The following SPATA6 variants were observed in gnomAD, a reference collection of about 807,000 sequenced individuals.
SPATA6 encodes the protein spermatogenesis associated 6, also known as spermatogenesis-associated protein 6.
In SPATA6, 56 loss-of-function variants were observed where a neutral mutation model predicts 65.3. The ratio of observed to expected loss-of-function variants is 0.86; its 90% confidence interval spans 0.69 to 1.07. The LOEUF is 1.07. Ranked by LOEUF, SPATA6 falls within the 50% of genes least tolerant of loss-of-function variation. SPATA6 has a pLI of 0.00. For synonymous variants in SPATA6, 199 were observed against 213.2 expected (o/e 0.93, Z 0.58); for missense variants, 590 against 594.8 (o/e 0.99, Z 0.08).
chr1:48,280,076 A>G, the SPATA6 span, among the ~76,000 whole-genome samples: 2 of 152,240 alleles, frequency 1.3e-5, no homozygotes, highest in Non-Finnish European at 2.9e-5. Flanking sequence ...CTGCTCCTGA[A>G]TGACTACTGG....
At chr1:48,378,699 A>C (rs1648207787) in intron 9 of SPATA6, among the ~76,000 whole-genome samples, 1 of 152,208 alleles carries the variant, frequency 6.6e-6, no homozygotes, top group Admixed American at 6.5e-5. Context: ...CTTACAGTTC[A>C]ATCATCTCCC....
At chr1:48,380,628 A>G (rs901002121) in intron 9 of SPATA6, among the ~76,000 whole-genome samples, 10 of 152,240 alleles carry the variant, frequency 6.6e-5, no homozygotes, top group Non-Finnish European at 1.3e-4. Flanking sequence ...CATAATATGC[A>G]TATGTTAGGA....
chr1:48,348,440 G>A (rs1476312286), intron 11 of SPATA6, among the ~76,000 whole-genome samples: 1 of 151,668 alleles, frequency 6.6e-6, no homozygotes. Context: ...CAATACTGAT[G>A]ACCAGAGGCT....
At chr1:48,328,866 A>G (rs1434321031) in intron 11 of SPATA6, among the ~76,000 whole-genome samples, 2 of 152,190 alleles carry the variant, frequency 1.3e-5, no homozygotes, top group African/African-American at 2.4e-5. Context: ...CAGATAAAAG[A>G]GGGTAAATAA....
At chr1:48,463,487 T>A (rs1657595668) in intron 1 of SPATA6, among the ~76,000 whole-genome samples, 2 of 152,230 alleles carry the variant, frequency 1.3e-5, no homozygotes, top group South Asian at 4.1e-4. Context: ...TAGAGCCAAA[T>A]GATTTTAAAA....
rs186293032 is a variant in SPATA6 at position 48,413,288 on chromosome 1, T to C, written c.239-137A>G. On this transcript the variant is annotated intron_variant, in intron 3 of 12. Coordinates refer to ENST00000371847, the MANE Select transcript of SPATA6 (RefSeq NM_019073.4). ...TATGTTTATATATTAGTATATAATG[T>C]ACACTTCTTTTTTTTTTTTTGAGAC... 1.3e-4 allele frequency: 32 copies of C among 253,798 alleles called. No homozygotes were observed. The East Asian group carries it at 2.8e-3, about 23-fold the overall frequency. 15.7% of individuals were successfully genotyped at this position (253,798 alleles called of 1,614,324 possible).
intron 5 of SPATA6, among the ~76,000 whole-genome samples, chr1:48,408,032 A>G (rs941341094): frequency 2.6e-5 from 4 of 152,220 alleles, no homozygotes; most frequent in African/African-American, 9.6e-5. Context: ...ATAGTACAGA[A>G]GCATGCTAAT....
At chr1:48,462,149 A>G (rs1187098112) in intron 1 of SPATA6, among the ~76,000 whole-genome samples, 1 of 151,732 alleles carries the variant, frequency 6.6e-6, no homozygotes, top group Non-Finnish European at 1.5e-5. Flanking sequence ...AACAATGAGA[A>G]CACATGGACA....
In SPATA6 at chr1:48,296,028, C is replaced by T. The variant is rs955059405; in HGVS notation, c.*2685G>A. 3 of 151,168 alleles carry T rather than the reference C, an allele frequency of 2.0e-5. No homozygotes were observed. The highest frequency in any genetic ancestry group is 3.9e-4 in the East Asian group (2 of 5,138). 9.4% of individuals were successfully genotyped at this position (151,168 alleles called of 1,614,324 possible). On this transcript the variant is annotated 3_prime_UTR_variant, in exon 13 of 13. Coordinates refer to ENST00000371847, the MANE Select transcript of SPATA6 (RefSeq NM_019073.4). ...ATTCCAATGATTCATCTTTATTTGT[C>T]GATTTTGACATTTTTCTAAATCCCA...
chr1:48,419,130 A>G (rs1653082100), intron 3 of SPATA6, among the ~76,000 whole-genome samples: 1 of 152,214 alleles, frequency 6.6e-6, no homozygotes, highest in Admixed American at 6.5e-5. Flanking sequence ...CCATTTAAAC[A>G]GTATCTTCTG....
chr1:48,382,391 A>G (rs1469356266), intron 9 of SPATA6, among the ~76,000 whole-genome samples: 60 of 124,748 alleles, frequency 4.8e-4, no homozygotes, highest in Non-Finnish European at 8.2e-4. Flanking sequence ...GGGGCTCCTC[A>G]CTTCCCAGTA....
At chr1:48,315,358 C>T (rs1645377885) in intron 11 of SPATA6, among the ~76,000 whole-genome samples, 1 of 152,150 alleles carries the variant, frequency 6.6e-6, no homozygotes, top group Non-Finnish European at 1.5e-5. Flanking sequence ...AAGTGGGCTT[C>T]ATCCCTGGGA....
chr1:48,334,246 T>C (rs938373183), intron 11 of SPATA6, among the ~76,000 whole-genome samples: 3 of 151,854 alleles, frequency 2.0e-5, no homozygotes, highest in Non-Finnish European at 2.9e-5. Flanking sequence ...TTCCCCAAAA[T>C]TGAGGAGGAG....
At chr1:48,291,003 G>A (rs1644763374), downstream of SPATA6, among the ~76,000 whole-genome samples, 1 of 152,104 alleles carries the variant, frequency 6.6e-6, no homozygotes, top group African/African-American at 2.4e-5. Flanking sequence ...AGACCTAATA[G>A]ACATCTACAG....
chr1:48,399,730 A>T (rs1650981796), intron 6 of SPATA6, 86 bp from the exon 7 acceptor site: 1 of 1,260,086 alleles, frequency 7.9e-7, no homozygotes, highest in Admixed American at 2.8e-5. Context: ...AGTAATTTAA[A>T]TAAGACGCAA....
chr1:48,436,413 G>T (rs1654942598), intron 3 of SPATA6: 1 of 1,610,184 alleles, frequency 6.2e-7, no homozygotes, highest in East Asian at 2.2e-5. Flanking sequence ...AACTCTTGAG[G>T]ACCTGTTTTC....
chr1:48,351,076 T>C (rs1646502112), intron 11 of SPATA6, among the ~76,000 whole-genome samples: 1 of 151,962 alleles, frequency 6.6e-6, no homozygotes, highest in South Asian at 2.1e-4. Flanking sequence ...CCTACACATA[T>C]TGTTAGAATT....
At chr1:48,290,445 C>T (rs1221941602), downstream of SPATA6, among the ~76,000 whole-genome samples, 9 of 152,118 alleles carry the variant, frequency 5.9e-5, no homozygotes, top group South Asian at 2.1e-4. Flanking sequence ...CATCAACTAA[C>T]GAGCAAAATA....
chr1:48,310,408 A>G (rs915350923), intron 11 of SPATA6, among the ~76,000 whole-genome samples: 1 of 152,200 alleles, frequency 6.6e-6, no homozygotes, highest in African/African-American at 2.4e-5. Flanking sequence ...CTATGCAGCT[A>G]GAGAGCAGGA....
Sources: gnomAD v4.1 joint callset for allele counts (sites outside exome capture counted in the v4.1 genomes callset) on GRCh38, gnomAD v4.1.1 for gene constraint, MANE v1.5 for transcripts, NCBI Gene and HGNC (gene_info 2026-07-23, HGNC 2026-07-21) for gene names.